The following CTNNA2 variants were observed in gnomAD, a reference collection of about 807,000 sequenced individuals.
The protein encoded by CTNNA2 is catenin alpha 2.
In CTNNA2, 42 loss-of-function variants were observed where a neutral mutation model predicts 101.0. The ratio of observed to expected loss-of-function variants is 0.42; its 90% CI spans 0.32 to 0.54. The LOEUF (loss-of-function observed/expected upper bound fraction) is 0.54, where lower values mean the gene tolerates loss of function less well. CTNNA2 is among the 20% of genes least tolerant of loss of function. The probability of loss-of-function intolerance (pLI) is 0.14; values close to 1 mark genes in which losing one functional copy is unlikely to be tolerated. For missense variants in CTNNA2, 871 were observed against 1,223.1 expected, an observed-to-expected ratio of 0.71 and a Z score of 4.29; for synonymous variants, 450 against 456.4, an observed-to-expected ratio of 0.99 and a Z score of 0.18.
chr2:79,492,922 T>G lies in CTNNA2; in HGVS notation c.-134-12132T>G, dbSNP rs115807402. The stretch of plus-strand genomic sequence containing the variant: ...TGGCTTAATATCTGAAATCAATCAA[T>G]GTAACCCACCATATCAATAGTTAAA... On this transcript the variant is annotated intron_variant, in intron 4 of 21. Transcript: ENST00000466387. Among the ~76,000 whole-genome samples the G allele has an allele frequency of 8.2e-3, 1,246 of 152,296 alleles. 16 individuals carry two copies. The highest frequency in any genetic ancestry group is 0.027 in the African/African-American group (1,124 of 41,580).
intron 18 of CTNNA2, among the ~76,000 whole-genome samples, chr2:80,636,041 A>G (rs1672845552): frequency 1.4e-5 from 2 of 141,238 alleles, no homozygotes; most frequent in Admixed American, 7.7e-5. Context: ...TAGCCCAGGC[A>G]CTGTCCTTTT....
chr2:79,540,107 A>AT (rs746174182), intron 1 of CTNNA2, among the ~76,000 whole-genome samples: 2 of 152,088 alleles, frequency 1.3e-5, no homozygotes, highest in Non-Finnish European at 2.9e-5. Context: ...AACCTTATAT[A>AT]TTTTTTTGTA....
intron 1 of CTNNA2, among the ~76,000 whole-genome samples, chr2:79,534,613 C>A (rs1672943933): frequency 6.6e-6 from 1 of 151,794 alleles, no homozygotes; most frequent in Non-Finnish European, 1.5e-5. Flanking sequence ...ATAATTTTTG[C>A]TACTCTTAAC....
At chr2:79,417,648 C>T (rs1573156671) in intron 4 of CTNNA2, among the ~76,000 whole-genome samples, 1 of 152,270 alleles carries the variant, frequency 6.6e-6, no homozygotes, top group South Asian at 2.1e-4. Context: ...CTTCTCTGAG[C>T]ATTCCAGCCC....
chr2:79,837,564 A>G (rs140165982), intron 3 of CTNNA2, among the ~76,000 whole-genome samples: 3 of 152,268 alleles, frequency 2.0e-5, no homozygotes, highest in African/African-American at 7.2e-5. Flanking sequence ...GATCTCTCAA[A>G]TGAGCATGGC....
intron 4 of CTNNA2, among the ~76,000 whole-genome samples, chr2:79,415,552 A>T (rs1426565367): frequency 6.6e-6 from 1 of 152,132 alleles, no homozygotes; most frequent in Non-Finnish European, 1.5e-5. Context: ...AGGAGACAGA[A>T]GTTTTCATCC....
At chr2:79,269,694 A>C (rs2104297201) in intron 2 of CTNNA2, among the ~76,000 whole-genome samples, 1 of 152,280 alleles carries the variant, frequency 6.6e-6, no homozygotes, top group Admixed American at 6.5e-5. Context: ...AGCAGGGTTA[A>C]ATGCCCATCT....
At chr2:80,489,603 T>C (rs1686876691) in intron 9 of CTNNA2, among the ~76,000 whole-genome samples, 1 of 152,202 alleles carries the variant, frequency 6.6e-6, no homozygotes, top group Admixed American at 6.5e-5. Context: ...TTCTTGTTTC[T>C]GAAAAGTGAA....
At chr2:79,934,767 T>C (rs1361289187) in intron 7 of CTNNA2, among the ~76,000 whole-genome samples, 1 of 152,214 alleles carries the variant, frequency 6.6e-6, no homozygotes, top group African/African-American at 2.4e-5. Context: ...CATGGGACCC[T>C]TTGGTGTAAT....
intron 2 of CTNNA2, among the ~76,000 whole-genome samples, chr2:79,689,898 TA>T (rs1376105203): frequency 6.6e-6 from 1 of 151,924 alleles, no homozygotes; most frequent in Non-Finnish European, 1.5e-5. Context: ...GAAGATGAAT[TA>T]ACATTAATTT....
At chr2:79,189,437 T>A in intron 1 of CTNNA2, among the ~76,000 whole-genome samples, 1 of 152,156 alleles carries the variant, frequency 6.6e-6, no homozygotes, top group East Asian at 1.9e-4. Context: ...TCTCCAAGAG[T>A]TGTTATTTTC....
chr2:79,249,519 G>A (rs910512099), intron 2 of CTNNA2, among the ~76,000 whole-genome samples: 2 of 152,136 alleles, frequency 1.3e-5, no homozygotes, highest in African/African-American at 2.4e-5. Flanking sequence ...TTTCTTTGGA[G>A]CTTCCAAAAT....
intron 7 of CTNNA2, among the ~76,000 whole-genome samples, chr2:80,389,219 T>C (rs535108984): frequency 1.1e-4 from 16 of 152,326 alleles, no homozygotes; most frequent in African/African-American, 2.2e-4. Context: ...TAAATGTCTT[T>C]TATTGTTTCT....
chr2:79,740,331 T>A (rs1471770693), intron 2 of CTNNA2, among the ~76,000 whole-genome samples: 1 of 152,216 alleles, frequency 6.6e-6, no homozygotes. Context: ...GGACATGATC[T>A]TGTTCTTTTT....
Position 80,534,185 on chromosome 2 carries a change from G to T in CTNNA2, c.1291-10797G>T, listed in dbSNP as rs540471933. 1.2e-4 allele frequency among the ~76,000 whole-genome samples: 19 copies of T among 152,240 alleles called. No homozygotes were observed. The East Asian group carries it at 2.5e-3, about 20-fold the overall frequency. Reference sequence around the variant, plus strand: ...GGCAAAAGAGCTGCTCTTCATCCCAGAAGAGCTCTAGAAAATGCAGATTTG... The same window carrying T: ...GGCAAAAGAGCTGCTCTTCATCCCATAAGAGCTCTAGAAAATGCAGATTTG... On this transcript the variant is annotated intron_variant, in intron 9 of 18. Coordinates refer to ENST00000402739, the MANE Select transcript of CTNNA2 (RefSeq NM_001282597.3).
At chr2:79,915,518 T>C (rs541969278) in intron 7 of CTNNA2, among the ~76,000 whole-genome samples, 1 of 152,346 alleles carries the variant, frequency 6.6e-6, no homozygotes, top group South Asian at 2.1e-4. Flanking sequence ...CAATTCATTT[T>C]GAGTGTATTT....
chr2:79,694,693 G>C (rs1330088729), intron 2 of CTNNA2, among the ~76,000 whole-genome samples: 3 of 151,830 alleles, frequency 2.0e-5, no homozygotes, highest in African/African-American at 7.3e-5. Flanking sequence ...TTTTTGGAAA[G>C]ACTCTCTGTT....
intron 7 of CTNNA2, among the ~76,000 whole-genome samples, chr2:79,956,842 GGTTTTTT>G (rs1376667649): frequency 3.1e-5 from 2 of 64,378 alleles, no homozygotes; most frequent in Non-Finnish European, 5.6e-5. Context: ...AATACGTGTG[GGTTTTTT>G]TTTTTTTTTT....
At chr2:80,364,250 A>T (rs886491138) in intron 7 of CTNNA2, among the ~76,000 whole-genome samples, 4 of 152,078 alleles carry the variant, frequency 2.6e-5, no homozygotes, top group African/African-American at 9.7e-5. Flanking sequence ...TCTCTTGGAG[A>T]AAAAAGCTTT....
Sources: gnomAD v4.1 joint callset for allele counts (sites outside exome capture counted in the v4.1 genomes callset) on GRCh38, gnomAD v4.1.1 for gene constraint, MANE v1.5 for transcripts, NCBI Gene and HGNC (gene_info 2026-07-23, HGNC 2026-07-21) for gene names.